The following ANO3 variants were observed in gnomAD, a reference collection of about 807,000 sequenced individuals.
ANO3 encodes anoctamin 3, also known as anoctamin-3.
ANO3 carries 99 observed loss-of-function variants against 144.8 expected under a neutral mutation model. That is an observed-to-expected ratio of 0.68 (90% CI 0.58 to 0.81). The LOEUF (loss-of-function observed/expected upper bound fraction) is 0.81. ANO3 is among the 30% of genes least tolerant of loss of function. The probability of loss-of-function intolerance (pLI) is 0.00; values close to 1 mark genes in which losing one functional copy is unlikely to be tolerated. For synonymous variants in ANO3, 414 were observed against 392.6 expected (o/e 1.05, Z -0.64); for missense variants, 905 against 1,202.2 (o/e 0.75, Z 3.66).
At chr11:26,634,123 C>G in intron 18 of ANO3, 81 bp from the exon 19 acceptor site, 1 of 638,438 alleles carries the variant, frequency 1.6e-6, no homozygotes, top group Non-Finnish European at 2.7e-6. Context: ...CAAACTTGAA[C>G]TTGGGGTTTC....
chr11:26,537,304 A>T, intron 9 of ANO3, 102 bp from the exon 10 acceptor site: 1 of 981,912 alleles, frequency 1.0e-6, no homozygotes, highest in Admixed American at 1.8e-5. Context: ...GGGTTATCTT[A>T]AACTTTTTAA....
chr11:26,421,960 C>A (rs760951413), intron 1 of ANO3, among the ~76,000 whole-genome samples: 1 of 151,694 alleles, frequency 6.6e-6, no homozygotes. Flanking sequence ...GGTGGAGGGT[C>A]GGAGGAGGGA....
chr11:26,651,008 AG>A (rs1415040156), intron 24 of ANO3, among the ~76,000 whole-genome samples: 1 of 152,248 alleles, frequency 6.6e-6, no homozygotes, highest in Non-Finnish European at 1.5e-5. Context: ...GTGAAAGTTA[AG>A]AATTTTGGAT....
Position 26,656,462 on chromosome 11 carries a change from C to T in ANO3, c.2744C>T (p.Ala915Val). The T allele has an allele frequency of 6.2e-7, 1 of 1,607,326 alleles. No homozygotes were observed. The highest frequency in any genetic ancestry group is 8.5e-7 in the Non-Finnish European group (1 of 1,173,982). ...QYWHILAARL[A>V]FIIVFEHLVF... is the part of the protein sequence containing the mutation. ...TGGCATATCCTTGCTGCTAGATTGG[C>T]CTTCATTATTGTGTTTGAGGTTAGT... The change falls in exon 26 of 27, where the codon GCC becomes GTC. Residue 915 changes from alanine to valine, a missense_variant. Ala to Val is a moderately conservative substitution (Grantham distance 64). Coordinates refer to ENST00000256737, the MANE Select transcript of ANO3 (RefSeq NM_031418.4).
rs1019115474 is a variant in ANO3, at chr11:26,660,732, C to G, written c.*288C>G. ...TATATGCTTGGAGAACTCTGCCTTC[C>G]ATCAACTGCAGTGTAATGGGAAAGA... On this transcript the variant is annotated 3_prime_UTR_variant, in exon 27 of 27. Transcript: ENST00000256737. 6.7e-6 allele frequency: 2 copies of G among 299,362 alleles called. No homozygotes were observed. Among genetic ancestry groups the G allele is most frequent in the Non-Finnish European group, 6.1e-6 (1 of 164,268 alleles). The allele number at this position is 299,362 out of a possible 1,614,324, so 18.5% of individuals were successfully genotyped here. A position where few individuals can be genotyped will look rare whatever the true frequency, so the allele number is the denominator to read the frequency against.
chr11:26,487,910 G>A (rs967906642), intron 4 of ANO3, among the ~76,000 whole-genome samples: 1 of 152,200 alleles, frequency 6.6e-6, no homozygotes, highest in African/African-American at 2.4e-5. Flanking sequence ...GCTCACGCCT[G>A]TAATCCCAGT....
intron 1 of ANO3, among the ~76,000 whole-genome samples, chr11:26,303,678 T>C (rs1339348935): frequency 6.6e-6 from 1 of 152,168 alleles, no homozygotes; most frequent in Non-Finnish European, 1.5e-5. Context: ...AACCTACAAA[T>C]GTACCACTTG....
Position 26,586,503 on chromosome 11 carries a change from CT to C in ANO3, c.1448-11844del, listed in dbSNP as rs550057766. Among the ~76,000 whole-genome samples the C allele has an allele frequency of 7.0e-3, 568 of 81,438 alleles. 39 individuals are homozygous for C. The highest frequency in any genetic ancestry group is 0.027 in the African/African-American group (506 of 19,042). The allele number at this position is 81,438 out of a possible 152,430, so 53.4% of individuals were successfully genotyped here. On this transcript the variant is annotated intron_variant, in intron 14 of 26. Coordinates refer to ENST00000256737, the MANE Select transcript of ANO3 (RefSeq NM_031418.4). ...AAGAAGGGGCTTCCCTGGTGAGAAT[CT>C]TTTTTTTTTTTTTTTTTGAGACATA... is the stretch of plus-strand genomic sequence containing the variant.
At chr11:26,434,355 A>G (rs759044479) in intron 1 of ANO3, among the ~76,000 whole-genome samples, 2 of 151,870 alleles carry the variant, frequency 1.3e-5, no homozygotes, top group African/African-American at 2.4e-5. Flanking sequence ...GCCTATGTAC[A>G]TCATTAATTT....
chr11:26,434,887 T>C (rs1858240172), intron 1 of ANO3, among the ~76,000 whole-genome samples: 1 of 152,186 alleles, frequency 6.6e-6, no homozygotes, highest in Non-Finnish European at 1.5e-5. Context: ...ATGAGAAGAA[T>C]GTACATTCTG....
At chr11:26,560,378 C>T (rs944588078) in intron 14 of ANO3, 6 of 151,952 alleles carry the variant, frequency 3.9e-5, no homozygotes, top group Non-Finnish European at 8.8e-5. Flanking sequence ...AGTTAAAATT[C>T]CCAAAACCTT....
At chr11:26,565,269 C>G in intron 14 of ANO3, 1 of 1,601,072 alleles carries the variant, frequency 6.2e-7, no homozygotes, top group Non-Finnish European at 8.5e-7. Flanking sequence ...CCCAGTGAAG[C>G]TATCACTGTT....
chr11:26,566,823 G>T (rs188838945), intron 14 of ANO3, among the ~76,000 whole-genome samples: 154 of 151,826 alleles, frequency 1.0e-3, no homozygotes, highest in African/African-American at 3.4e-3. Context: ...AATAACTCAT[G>T]AAAAATAATC....
chr11:26,449,548 T>C (rs1229559641), intron 3 of ANO3, among the ~76,000 whole-genome samples: 1 of 151,584 alleles, frequency 6.6e-6, no homozygotes, highest in Admixed American at 6.6e-5. Context: ...GAGAGTCTGC[T>C]ATAGAATACA....
At chr11:26,465,113 C>T (rs370148147) in intron 4 of ANO3, among the ~76,000 whole-genome samples, 321 of 142,540 alleles carry the variant, frequency 2.3e-3, no homozygotes, top group African/African-American at 7.9e-3. Flanking sequence ...TTATTATACC[C>T]CATCATTAAA....
intron 1 of ANO3, among the ~76,000 whole-genome samples, chr11:26,362,053 T>C (rs2133925937): frequency 6.6e-6 from 1 of 152,288 alleles, no homozygotes; most frequent in Non-Finnish European, 1.5e-5. Flanking sequence ...AATATGAGGA[T>C]GGCAGTTAAA....
At chr11:26,228,511 G>T (rs1276874046) in intron 1 of ANO3, among the ~76,000 whole-genome samples, 1 of 152,224 alleles carries the variant, frequency 6.6e-6, no homozygotes, top group Non-Finnish European at 1.5e-5. Context: ...CTGAGACACA[G>T]ATCAGTGTAG....
chr11:26,518,092 A>G (rs1861928223), intron 6 of ANO3, among the ~76,000 whole-genome samples: 1 of 152,084 alleles, frequency 6.6e-6, no homozygotes, highest in South Asian at 2.1e-4. Flanking sequence ...TTAAAAAAAG[A>G]TAAATAAAGG....
At chr11:26,482,996 T>G (rs1251714979) in intron 4 of ANO3, among the ~76,000 whole-genome samples, 2 of 152,196 alleles carry the variant, frequency 1.3e-5, no homozygotes, top group East Asian at 3.8e-4. Flanking sequence ...CTTGATTACC[T>G]ATCTTTGCTA....
Sources: allele counts gnomAD v4.1 joint callset (sites outside exome capture counted in the v4.1 genomes callset), GRCh38; gene constraint gnomAD v4.1.1; transcripts MANE v1.5; gene names NCBI Gene and HGNC (gene_info 2026-07-23, HGNC 2026-07-21).